The following CDK19 variants were observed in gnomAD, a reference collection of about 807,000 sequenced individuals.
The protein encoded by CDK19 is cyclin dependent kinase 19, also known as cyclin-dependent kinase 19.
In CDK19, 20 loss-of-function variants were observed where a neutral mutation model predicts 68.3. The observed-to-expected ratio is 0.29, with a 90% CI of 0.21 to 0.43. The LOEUF (loss-of-function observed/expected upper bound fraction) is 0.43. Ranked by LOEUF, CDK19 falls within the 20% of genes least tolerant of loss-of-function variation. The pLI is 1.00. For missense variants in CDK19, 339 were observed against 623.5 expected, an observed-to-expected ratio of 0.54 and a Z score of 4.86; for synonymous variants, 221 against 222.8, an observed-to-expected ratio of 0.99 and a Z score of 0.07.
chr6:110,782,742 TC>T (rs1780910868), intron 1 of CDK19, among the ~76,000 whole-genome samples: 1 of 152,204 alleles, frequency 6.6e-6, no homozygotes, highest in Admixed American at 6.5e-5. Flanking sequence ...AATCTATTAC[TC>T]CCTTTCTCCA....
intron 2 of CDK19, among the ~76,000 whole-genome samples, chr6:110,692,357 T>C (rs1773077035): frequency 1.3e-5 from 2 of 151,544 alleles, no homozygotes; most frequent in Non-Finnish European, 2.9e-5. Context: ...GTAGAAAGTT[T>C]TAACAATAGA....
intron 1 of CDK19, among the ~76,000 whole-genome samples, chr6:110,810,573 G>A (rs759746982): frequency 3.9e-5 from 6 of 152,030 alleles, no homozygotes; most frequent in East Asian, 1.9e-4. Flanking sequence ...TTGGGAGTTC[G>A]AGACCAGCCT....
chr6:110,752,436 AT>A (rs1362618962), intron 1 of CDK19, among the ~76,000 whole-genome samples: 1 of 152,202 alleles, frequency 6.6e-6, no homozygotes, highest in Non-Finnish European at 1.5e-5. Flanking sequence ...ATTCTGAAAC[AT>A]TTAAAATCTT....
rs79393963 is a variant in CDK19 at position 110,621,820 on chromosome 6, C to T, written c.1110+268G>A. 6.9e-3 allele frequency among the ~76,000 whole-genome samples: 1,045 copies of T among 152,148 alleles called. 3 individuals are homozygous for T. Among genetic ancestry groups the T allele is most frequent in the Middle Eastern group, 0.024 (7 of 294 alleles). ...CTGCATAAAGGGGTGGTAGTGACAC[C>T]AAACAAACAGAAAGAGCAAGAAGTG... is the stretch of plus-strand genomic sequence containing the variant. On this transcript the variant is annotated intron_variant, in intron 11 of 12. Transcript: ENST00000368911. The surrounding 1 kb of genome is among the most constrained non-coding windows in gnomAD (Gnocchi z 5.4).
At chr6:110,669,485 A>T (rs1014935127) in intron 3 of CDK19, among the ~76,000 whole-genome samples, 5 of 152,040 alleles carry the variant, frequency 3.3e-5, no homozygotes, top group Admixed American at 2.0e-4. Context: ...TCAAACAAAC[A>T]AACAAACAAA....
At chr6:110,789,487 C>G (rs1781452636) in intron 1 of CDK19, among the ~76,000 whole-genome samples, 1 of 152,168 alleles carries the variant, frequency 6.6e-6, no homozygotes, top group Admixed American at 6.5e-5. Flanking sequence ...GCATGTTGGC[C>G]AGGATGGTCT....
chr6:110,678,837 T>C (rs1771752327), intron 2 of CDK19, among the ~76,000 whole-genome samples: 1 of 152,232 alleles, frequency 6.6e-6, no homozygotes, highest in Non-Finnish European at 1.5e-5. Context: ...TTCTCAACTA[T>C]AAGCATACAA....
intron 4 of CDK19, among the ~76,000 whole-genome samples, chr6:110,661,368 G>T (rs1326916905): frequency 1.3e-5 from 2 of 152,206 alleles, no homozygotes; most frequent in African/African-American, 4.8e-5. Context: ...GTTCCAATGA[G>T]ATGTAATTCT....
At chr6:110,673,140 T>C (rs1771159393) in intron 2 of CDK19, among the ~76,000 whole-genome samples, 1 of 152,228 alleles carries the variant, frequency 6.6e-6, no homozygotes, top group Non-Finnish European at 1.5e-5. Flanking sequence ...ATCTAATTTA[T>C]GTCTCTATGA....
At chr6:110,643,477 T>G (rs1215701378) in intron 4 of CDK19, among the ~76,000 whole-genome samples, 27 of 152,356 alleles carry the variant, frequency 1.8e-4, no homozygotes, top group Admixed American at 1.2e-3. Context: ...ATGTTCTCAC[T>G]TATTTGTGGG....
intron 4 of CDK19, among the ~76,000 whole-genome samples, chr6:110,647,137 A>G (rs1053438320): frequency 2.4e-4 from 36 of 152,146 alleles, no homozygotes; most frequent in Non-Finnish European, 3.8e-4. Context: ...AGCCAGAGGG[A>G]ACAACCGCCT....
intron 1 of CDK19, among the ~76,000 whole-genome samples, chr6:110,779,817 G>A (rs1227679436): frequency 6.6e-6 from 1 of 152,048 alleles, no homozygotes; most frequent in Non-Finnish European, 1.5e-5. Context: ...GGGCGCTGTG[G>A]CTCACACCTG....
chr6:110,641,287 A>G (rs1780145161), intron 4 of CDK19, among the ~76,000 whole-genome samples: 1 of 152,184 alleles, frequency 6.6e-6, no homozygotes, highest in Non-Finnish European at 1.5e-5. Context: ...AGGAAAAGAC[A>G]GACAGCTTTT....
chr6:110,657,723 C>T (rs188620932), intron 4 of CDK19, among the ~76,000 whole-genome samples: 60 of 152,278 alleles, frequency 3.9e-4, no homozygotes, highest in Admixed American at 1.6e-3. Context: ...CTTCTTAATA[C>T]ATGTGTTTGT....
At chr6:110,711,868 T>C (rs746561980) in intron 2 of CDK19, among the ~76,000 whole-genome samples, 1 of 152,220 alleles carries the variant, frequency 6.6e-6, no homozygotes, top group Non-Finnish European at 1.5e-5. Context: ...CTTGGGAGGC[T>C]GAGGCAGGAG....
At chr6:110,762,953 C>T (rs183143704) in intron 1 of CDK19, among the ~76,000 whole-genome samples, 5 of 152,276 alleles carry the variant, frequency 3.3e-5, no homozygotes, top group Non-Finnish European at 2.9e-5. Flanking sequence ...AGATGACTGA[C>T]TTCACTGGCT....
intron 1 of CDK19, among the ~76,000 whole-genome samples, chr6:110,807,812 A>G (rs1170068164): frequency 2.1e-5 from 3 of 146,182 alleles, no homozygotes; most frequent in Admixed American, 6.8e-5. Flanking sequence ...TTTTTATAAT[A>G]CCTTTTTTTT....
At chr6:110,690,626 A>G (rs1054470293) in intron 2 of CDK19, among the ~76,000 whole-genome samples, 4 of 152,226 alleles carry the variant, frequency 2.6e-5, no homozygotes, top group African/African-American at 9.6e-5. Flanking sequence ...AGTCCACACC[A>G]CAAAGGAATA....
intron 4 of CDK19, among the ~76,000 whole-genome samples, chr6:110,656,134 T>C (rs1017517825): frequency 4.6e-4 from 70 of 152,240 alleles, no homozygotes; most frequent in African/African-American, 1.4e-3. Context: ...TCCTTGAATG[T>C]ACCTCATAAT....
Sources: allele counts gnomAD v4.1 joint callset (sites outside exome capture counted in the v4.1 genomes callset), GRCh38; gene constraint gnomAD v4.1.1; non-coding constraint Gnocchi (gnomAD v3.1); transcripts MANE v1.5; gene names NCBI Gene and HGNC (gene_info 2026-07-23, HGNC 2026-07-21).